The following PAX8 variants were observed in gnomAD, a reference collection of about 807,000 sequenced individuals.
The protein encoded by PAX8 is paired box 8, also known as paired box protein Pax-8.
Under a neutral mutation model 52.4 loss-of-function variants are expected in PAX8, and 15 were observed. The ratio of observed to expected loss-of-function variants is 0.29; its 90% CI spans 0.19 to 0.44. PAX8 has a LOEUF of 0.44. Among genes scored for constraint, PAX8 ranks in the 20% least tolerant of loss-of-function variants. The pLI is 1.00. For synonymous variants in PAX8, 284 were observed against 249.7 expected, an observed-to-expected ratio of 1.14 and a Z score of -1.29; for missense variants, 554 against 602.5, an observed-to-expected ratio of 0.92 and a Z score of 0.84.
chr2:113,239,573 C>A (rs999496966), intron 7 of PAX8: 1 of 152,254 alleles, frequency 6.6e-6, no homozygotes, highest in African/African-American at 2.4e-5. Context: ...GGGGCCCTTG[C>A]ACTGGCTGGT....
chr2:113,256,483 A>G (rs1692255088), intron 2 of PAX8, among the ~76,000 whole-genome samples: 1 of 152,220 alleles, frequency 6.6e-6, no homozygotes, highest in African/African-American at 2.4e-5. Flanking sequence ...CACATACAAC[A>G]ACAAGAAGAA....
At position 113,235,421 on chromosome 2, in the gene PAX8, G is replaced by C. The variant is rs776082182; in HGVS notation, c.1060C>G (p.Gln354Glu). ...GAGAGGAGGGCCTGGCCCGTGAACT[G>C]CCCGTACACGGAGGCAGCATGGGGA... ...AFPHAASVYG[Q>E]FTGQALLSGR... Residue 354 changes from glutamine (Q) to glutamate (E), a missense_variant, in exon 9 of 12, where the codon CAG becomes GAG. Transcript: ENST00000429538. 134 of 1,598,488 alleles carry C rather than the reference G, an allele frequency of 8.4e-5. No individual in the cohort carries two copies. Among genetic ancestry groups the C allele is most frequent in the Non-Finnish European group, 1.1e-4 (128 of 1,172,626 alleles).
chr2:113,235,669 G>T, intron 8 of PAX8, 87 bp from the exon 9 acceptor site: 2 of 1,143,594 alleles, frequency 1.7e-6, no homozygotes, highest in East Asian at 4.9e-5. Context: ...GGATGTGGAG[G>T]GTGCGGGCGG....
intron 2 of PAX8, chr2:113,271,276 C>G (rs1693442384): frequency 6.6e-6 from 1 of 152,218 alleles, no homozygotes; most frequent in South Asian, 2.1e-4. Context: ...TGAACCTAGG[C>G]AGGGAGGCTG....
intron 9 of PAX8, among the ~76,000 whole-genome samples, chr2:113,235,160 A>G (rs1421899390): frequency 6.6e-6 from 1 of 152,234 alleles, no homozygotes; most frequent in Non-Finnish European, 1.5e-5. Context: ...CTGCTTTTCC[A>G]TGGGGTCTTG....
intron 7 of PAX8, chr2:113,238,350 A>G (rs552390059): frequency 6.6e-6 from 1 of 152,548 alleles, no homozygotes; most frequent in Admixed American, 6.5e-5. Flanking sequence ...GATTACAGGC[A>G]TGAGCCGTTG....
chr2:113,226,707 T>C, intron 10 of PAX8: 1 of 1,128,760 alleles, frequency 8.9e-7, no homozygotes, highest in Non-Finnish European at 1.1e-6. Flanking sequence ...CCCTTCAGAT[T>C]CAGATTTTAC....
rs1689076598 is a variant in PAX8, at chr2:113,217,785, GCTCC to G, written c.*744_*747del. 1 of 233,254 alleles carries G rather than the reference GCTCC, an allele frequency of 4.3e-6. No homozygotes were observed. Among genetic ancestry groups the G allele is most frequent in the Non-Finnish European group, 8.5e-6 (1 of 118,184 alleles). 14.4% of individuals were successfully genotyped at this position (233,254 alleles called of 1,614,324 possible). ...AGGCCCTGTGGAATGTCTGTTTTAA[GCTCC>G]CTGGGGCTGGCCTGGCTGACGGCAG... On this transcript the variant is annotated 3_prime_UTR_variant, in exon 12 of 12. Transcript: ENST00000429538.
intron 2 of PAX8, among the ~76,000 whole-genome samples, chr2:113,277,283 C>T (rs1693886049): frequency 6.6e-6 from 1 of 152,214 alleles, no homozygotes; most frequent in African/African-American, 2.4e-5. Context: ...TCCCGCTCCC[C>T]TCCTAGTTGG....
rs556391587 is a variant in PAX8, at chr2:113,253,617, T to A, written c.26-6698A>T. ...GTTCCCTCCTCCTGGAGCTCTTGTC[T>A]CCCTGTCGTATCTAGTTAACTCCTG... On this transcript the variant is annotated intron_variant, in intron 2 of 11. Transcript: ENST00000429538. 9.1e-4 allele frequency among the ~76,000 whole-genome samples: 138 copies of A among 152,306 alleles called. 1 individual carries two copies. The Middle Eastern group carries it at 0.014, about 15-fold the overall frequency.
intron 2 of PAX8, chr2:113,276,482 T>C (rs1239956575): frequency 6.6e-6 from 1 of 152,030 alleles, no homozygotes; most frequent in Non-Finnish European, 1.5e-5. Context: ...GGCAGAGGGC[T>C]CCCTCCCAAA....
intron 9 of PAX8, among the ~76,000 whole-genome samples, chr2:113,235,170 G>GGGGT: frequency 6.6e-6 from 1 of 152,322 alleles, no homozygotes; most frequent in African/African-American, 2.4e-5. Context: ...ATGGGGTCTT[G>GGGGT]GGGTGGTGCA....
chr2:113,220,525 G>A, intron 10 of PAX8: 1 of 218,740 alleles, frequency 4.6e-6, no homozygotes, highest in Non-Finnish European at 9.3e-6. Context: ...CAGAGCTGGA[G>A]GGTTTGGTGG....
chr2:113,272,151 C>A (rs1176994429), intron 2 of PAX8: 1 of 152,116 alleles, frequency 6.6e-6, no homozygotes, highest in Admixed American at 6.5e-5. Context: ...AAGTATCCTT[C>A]GGGGACTCTT....
chr2:113,278,530 C>A (rs780418964), intron 1 of PAX8, 61 bp from the exon 2 acceptor site: 2 of 1,372,354 alleles, frequency 1.5e-6, no homozygotes, highest in Admixed American at 1.9e-5. Flanking sequence ...CATCCTCAGG[C>A]CCCCTCCCCA....
chr2:113,246,838 T>G lies in PAX8; in HGVS notation c.107A>C (p.Asp36Ala). The part of the protein sequence containing the change: ...LPEVVRQRIV[D>A]LAHQGVRPCD... ...GGGCCTTACACCCTGGTGGGCCAGG[T>G]CTACGATGCGCTGGCGGACCACTTC... Residue 36 changes from aspartate to alanine, a missense_variant, in exon 3 of 12, where the codon GAC becomes GCC. By Grantham distance (126) the Asp-to-Ala change is moderately radical. Transcript: ENST00000429538. 1 of 1,614,196 alleles carries G rather than the reference T, an allele frequency of 6.2e-7. No individual in the cohort carries two copies. The highest frequency in any genetic ancestry group is 8.5e-7 in the Non-Finnish European group (1 of 1,180,004).
intron 10 of PAX8, among the ~76,000 whole-genome samples, chr2:113,223,506 C>T (rs1198764730): frequency 6.6e-6 from 1 of 152,184 alleles, no homozygotes; most frequent in Non-Finnish European, 1.5e-5. Flanking sequence ...TTTTAAAACT[C>T]GACCCAGCCA....
chr2:113,242,831 A>C (rs1399034226), intron 4 of PAX8, 53 bp from the exon 5 acceptor site: 1 of 1,419,716 alleles, frequency 7.0e-7, no homozygotes, highest in Admixed American at 1.7e-5. Flanking sequence ...AAGAGAACTC[A>C]TGGCTGCCCC....
At chr2:113,264,115 C>T (rs1301905668) in intron 2 of PAX8, among the ~76,000 whole-genome samples, 2 of 152,216 alleles carry the variant, frequency 1.3e-5, no homozygotes, top group Non-Finnish European at 2.9e-5. Flanking sequence ...TGCTCTCACC[C>T]TAAATCTGAC....
Sources: gnomAD v4.1 joint callset for allele counts (sites outside exome capture counted in the v4.1 genomes callset) on GRCh38, gnomAD v4.1.1 for gene constraint, MANE v1.5 for transcripts, NCBI Gene and HGNC (gene_info 2026-07-23, HGNC 2026-07-21) for gene names.